The following GALNS variants were observed in gnomAD, a reference collection of about 807,000 sequenced individuals.
GALNS encodes the protein galactosamine (N-acetyl)-6-sulfatase, also known as N-acetylgalactosamine-6-sulfatase.
Under a neutral mutation model 65.9 loss-of-function variants are expected in GALNS, and 65 were observed. The observed-to-expected ratio is 0.99, with a 90% CI of 0.81 to 1.21. The LOEUF is 1.21. GALNS is among the 50% of genes most tolerant of loss of function. GALNS has a pLI of 0.00. For synonymous variants in GALNS, 346 were observed against 288.9 expected (o/e 1.20, Z -2.00); for missense variants, 776 against 700.7 (o/e 1.11, Z -1.21).
At chr16:88,815,986 C>T (rs117040995) in intron 13 of GALNS, 39,578 of 985,344 alleles carry the variant, frequency 0.04, 895 homozygotes, top group Middle Eastern at 0.049. Flanking sequence ...CTGGAGTTGG[C>T]GGGGACAGAG....
At chr16:88,850,463 T>A (rs1567544234) in intron 1 of GALNS, among the ~76,000 whole-genome samples, 1 of 151,810 alleles carries the variant, frequency 6.6e-6, no homozygotes, top group Non-Finnish European at 1.5e-5. Flanking sequence ...GTAAAGGGAG[T>A]GGGCTCCACG....
intron 1 of GALNS, chr16:88,843,134 C>A: frequency 7.0e-7 from 1 of 1,437,744 alleles, no homozygotes; most frequent in African/African-American, 1.4e-5. Flanking sequence ...ATGTGTCCGT[C>A]TGCCTCCTCC....
chr16:88,842,957 G>C, intron 1 of GALNS, 128 bp from the exon 2 acceptor site: 1 of 1,532,502 alleles, frequency 6.5e-7, no homozygotes, highest in Non-Finnish European at 8.8e-7. Flanking sequence ...GTCCCAGCCA[G>C]CGGCAGAGCT....
rs575496357 is a variant in GALNS, at chr16:88,817,950, C to T, written c.1482+57G>A. 5.6e-5 allele frequency: 78 copies of T among 1,401,582 alleles called. No individual in the cohort carries two copies. The East Asian group carries it at 1.3e-3, about 23-fold the overall frequency. 86.8% of individuals were successfully genotyped at this position (1,401,582 alleles called of 1,614,324 possible). A position where few individuals can be genotyped will look rare whatever the true frequency, so the allele number is the denominator to read the frequency against. ...GCTGGCCACGGTTCATCCTGGGCCC[C>T]GGGTGGGTGGCTGCAGCCCCGGCAA... On this transcript the variant is annotated intron_variant, in intron 13 of 13. Transcript: ENST00000268695.
intron 10 of GALNS, among the ~76,000 whole-genome samples, chr16:88,826,233 C>T (rs1233875276): frequency 1.0e-5 from 1 of 95,812 alleles, no homozygotes; most frequent in African/African-American, 4.2e-5. Flanking sequence ...AGGCAGGCAA[C>T]AGGGGTGGGG....
At chr16:88,815,940 C>T (rs1203829936) in intron 13 of GALNS, 1 of 985,328 alleles carries the variant, frequency 1.0e-6, no homozygotes, top group African/African-American at 1.7e-5. Flanking sequence ...CTCCTCTGTG[C>T]CAGAGACGCC....
intron 1 of GALNS, among the ~76,000 whole-genome samples, chr16:88,852,688 T>C (rs1026154439): frequency 6.6e-6 from 1 of 152,156 alleles, no homozygotes; most frequent in African/African-American, 2.4e-5. Context: ...GAGAAGACCT[T>C]AGATGACCTG....
intron 1 of GALNS, among the ~76,000 whole-genome samples, chr16:88,851,736 C>A (rs1967518388): frequency 6.6e-6 from 1 of 152,178 alleles, no homozygotes; most frequent in South Asian, 2.1e-4. Context: ...GGGTCTCATG[C>A]CCACGGAGCC....
chr16:88,820,856 G>A (rs1910136607), intron 12 of GALNS, among the ~76,000 whole-genome samples: 2 of 152,172 alleles, frequency 1.3e-5, no homozygotes, highest in African/African-American at 4.8e-5. Flanking sequence ...GGGGTGTGGC[G>A]GGCACCGGTG....
Position 88,831,104 on chromosome 16 carries a change from G to A in GALNS, c.1002+894C>T, listed in dbSNP as rs116038514. Among the ~76,000 whole-genome samples the A allele has an allele frequency of 4.9e-3, 751 of 152,304 alleles. 10 individuals carry two copies. Among genetic ancestry groups the A allele is most frequent in the African/African-American group, 0.017 (702 of 41,546 alleles). ...CATTACCAGCACCCACGTGACACACGGCAGTATACGTGGCTCCAGTCCCCA... is the reference window on the plus strand; with the variant it reads ...CATTACCAGCACCCACGTGACACACAGCAGTATACGTGGCTCCAGTCCCCA... On this transcript the variant is annotated intron_variant, in intron 9 of 13. Transcript: ENST00000268695.
rs886052454 is a variant in GALNS, at chr16:88,814,419, G to C, written c.*20C>G. 6 of 1,553,328 alleles carry C rather than the reference G, an allele frequency of 3.9e-6. No individual in the cohort carries two copies. The South Asian group carries it at 7.1e-5, about 18-fold the overall frequency. On this transcript the variant is annotated 3_prime_UTR_variant, in exon 14 of 14. Coordinates refer to ENST00000268695, the MANE Select transcript of GALNS (RefSeq NM_000512.5). ...AGGGCCAACCGGAGATTCTAGGCCT[G>C]GCCTGAGTCTGCGCAGGTGCTAGTG...
At position 88,838,004 on chromosome 16, in the gene GALNS, C is replaced by T. The variant is rs118162132; in HGVS notation, c.423-239G>A. The T allele has an allele frequency of 0.04, 21,115 of 526,318 alleles. 530 individuals carry two copies. The highest frequency in any genetic ancestry group is 0.072 in the South Asian group (3,306 of 45,610). The allele number at this position is 526,318 out of a possible 1,614,324, so 32.6% of individuals were successfully genotyped here. ...GCACAACCGAGGGCGGCAGGCATGG[C>T]GGCGGCCGGGGTTCCCTGCACGGTG... On this transcript the variant is annotated intron_variant, in intron 4 of 13. Transcript: ENST00000268695.
At chr16:88,846,837 C>T (rs1165682650) in intron 1 of GALNS, among the ~76,000 whole-genome samples, 3 of 152,056 alleles carry the variant, frequency 2.0e-5, no homozygotes, top group South Asian at 2.1e-4. Context: ...GCACTGTGCC[C>T]GGCCGTGTTT....
At position 88,817,873 on chromosome 16, in the gene GALNS, C is replaced by T. The variant is rs536379430; in HGVS notation, c.1482+134G>A. ...ACGCCGCCGCGTGTGCTCTGAGGCA[C>T]GAGGGCCTCACCACTGACGGAGGCG... On this transcript the variant is annotated intron_variant, in intron 13 of 13. Transcript: ENST00000268695. 5.8e-4 allele frequency: 477 copies of T among 815,678 alleles called. 5 individuals are homozygous for T. Among genetic ancestry groups the T allele is most frequent in the South Asian group, 5.1e-3 (353 of 68,834 alleles). The allele number at this position is 815,678 out of a possible 1,614,324, so 50.5% of individuals were successfully genotyped here.
intron 2 of GALNS, chr16:88,842,266 C>T (rs111606693): frequency 1.6e-5 from 9 of 554,464 alleles, no homozygotes; most frequent in African/African-American, 1.3e-4. Context: ...GGTCCACACG[C>T]CCCCATCCTC....
intron 1 of GALNS, among the ~76,000 whole-genome samples, chr16:88,854,778 C>G (rs1597604355): frequency 6.6e-6 from 1 of 152,376 alleles, no homozygotes. Context: ...TCTGTCGACT[C>G]AGGAGGGCCA....
At position 88,822,810 on chromosome 16, in the gene GALNS, G is replaced by A; in HGVS notation, c.1243-100C>T. On this transcript the variant is annotated intron_variant, in intron 11 of 13. Coordinates refer to ENST00000268695, the MANE Select transcript of GALNS (RefSeq NM_000512.5). ...CTGGAGCCCCTGACTGCGGCCGTGA[G>A]GGGCCTTGTCTGCCTGTGTCCTGGA... 3.3e-6 allele frequency: 5 copies of A among 1,521,704 alleles called. No homozygotes were observed. In the Admixed American group the frequency reaches 7.7e-5, roughly 24 times the overall value. The allele number at this position is 1,521,704 out of a possible 1,614,324, so 94.3% of individuals were successfully genotyped here.
rs555401928 is a variant in GALNS, at chr16:88,832,761, G to C, written c.899-660C>G. Among the ~76,000 whole-genome samples, 28 of 152,256 alleles carry C rather than the reference G, an allele frequency of 1.8e-4. No homozygotes were observed. In the South Asian group the frequency reaches 4.6e-3, roughly 25 times the overall value. On this transcript the variant is annotated intron_variant, in intron 8 of 13. Coordinates refer to ENST00000268695, the MANE Select transcript of GALNS (RefSeq NM_000512.5). ...CAGCTTCGGGTCCCCTGAATAAAAGGGAAAAAGGAAACGAAGGGGCCGGCT... is the reference window on the plus strand; with the variant it reads ...CAGCTTCGGGTCCCCTGAATAAAAGCGAAAAAGGAAACGAAGGGGCCGGCT...
At position 88,835,831 on chromosome 16, in the gene GALNS, T is replaced by C. The variant is rs1804787546; in HGVS notation, c.652A>G (p.Lys218Glu). 6 of 1,614,002 alleles carry C rather than the reference T, an allele frequency of 3.7e-6. No homozygotes were observed. The highest frequency in any genetic ancestry group is 4.2e-6 in the Non-Finnish European group (5 of 1,180,024). Residue 218 changes from lysine to glutamate, a missense_variant, in exon 7 of 14, where the codon AAG becomes GAG. Lys to Glu is a moderately conservative substitution (Grantham distance 56). Transcript: ENST00000268695. ...IYLQEALDFIKRQARHHPFFL... is the reference protein window; with the variant it reads ...IYLQEALDFIERQARHHPFFL... ...AAGGGGTGGTGCCGTGCCTGTCTCT[T>C]AATGAAGTCCAGGGCTTCCTATGGA... is the stretch of plus-strand genomic sequence containing the variant.
Sources: allele counts gnomAD v4.1 joint callset (sites outside exome capture counted in the v4.1 genomes callset), GRCh38; gene constraint gnomAD v4.1.1; transcripts MANE v1.5; gene names NCBI Gene and HGNC (gene_info 2026-07-23, HGNC 2026-07-21).